The following TGFBRAP1 variants were observed in gnomAD, a reference collection of about 807,000 sequenced individuals.
TGFBRAP1 encodes the protein transforming growth factor beta receptor associated protein 1.
A neutral mutation model predicts 83.2 loss-of-function variants in TGFBRAP1; 20 were observed. The observed-to-expected ratio is 0.24, with a 90% CI of 0.17 to 0.35. TGFBRAP1 has a LOEUF of 0.35. TGFBRAP1 is among the 10% of genes least tolerant of loss of function. TGFBRAP1 has a pLI of 1.00. For synonymous variants in TGFBRAP1, 415 were observed against 459.8 expected (o/e 0.90, Z 1.25); for missense variants, 950 against 1,099.4 (o/e 0.86, Z 1.92).
At chr2:105,278,068 A>ATGTGTGTG (rs56983977) in intron 6 of TGFBRAP1, among the ~76,000 whole-genome samples, 121 of 145,528 alleles carry the variant, frequency 8.3e-4, no homozygotes, top group African/African-American at 2.0e-3. Flanking sequence ...CAAAAAATAT[A>ATGTGTGTG]TGTGTGTGTG....
At chr2:105,261,975 G>A (rs1462061259), downstream of TGFBRAP1, among the ~76,000 whole-genome samples, 2 of 152,156 alleles carry the variant, frequency 1.3e-5, no homozygotes, top group African/African-American at 2.4e-5. Context: ...TCTGTGGGAT[G>A]TGTGCATGAG....
chr2:105,298,298 C>G (rs1398064625), intron 3 of TGFBRAP1, among the ~76,000 whole-genome samples: 2 of 152,172 alleles, frequency 1.3e-5, no homozygotes, highest in Non-Finnish European at 2.9e-5. Context: ...GGGCCTTATT[C>G]CATCGTGATC....
chr2:105,260,266 C>T (rs1385366046), downstream of TGFBRAP1, among the ~76,000 whole-genome samples: 5 of 152,074 alleles, frequency 3.3e-5, no homozygotes, highest in African/African-American at 4.8e-5. Flanking sequence ...AAAAATTAGC[C>T]AGGCATGGTG....
chr2:105,271,694 C>A (rs931565008), intron 10 of TGFBRAP1, among the ~76,000 whole-genome samples: 1 of 152,160 alleles, frequency 6.6e-6, no homozygotes, highest in South Asian at 2.1e-4. Context: ...GCAGCCTCAG[C>A]GTTTCAACCT....
rs773741901 is a variant in TGFBRAP1, at chr2:105,298,574, A to T, written c.820T>A (p.Leu274Met). Residue 274 changes from leucine to methionine, a missense_variant, in exon 3 of 12, where the codon TTG (leucine) becomes ATG (methionine). Transcript: ENST00000393359. Reference sequence around the variant, plus strand: ...AGCGTCTGCTTCTGTTGCTGATCCAACATGCTGTGGACTGTGATGAATTCG... The same window carrying T: ...AGCGTCTGCTTCTGTTGCTGATCCATCATGCTGTGGACTGTGATGAATTCG... ...DDEFITVHSM[L>M]DQQQKQTLPF... The T allele has an allele frequency of 6.2e-7, 1 of 1,613,910 alleles. No homozygotes were observed. Among genetic ancestry groups the T allele is most frequent in the Non-Finnish European group, 8.5e-7 (1 of 1,179,870 alleles).
intron 4 of TGFBRAP1, among the ~76,000 whole-genome samples, chr2:105,293,857 G>C (rs1456170528): frequency 6.6e-6 from 1 of 152,190 alleles, no homozygotes; most frequent in Admixed American, 6.5e-5. Flanking sequence ...CCAGGACCTA[G>C]GGGAGGGAGA....
At chr2:105,262,172 T>C (rs1285244820), downstream of TGFBRAP1, among the ~76,000 whole-genome samples, 1 of 152,214 alleles carries the variant, frequency 6.6e-6, no homozygotes, top group Admixed American at 6.5e-5. Context: ...ATGCCACTGA[T>C]ATGGTTTGGA....
intron 7 of TGFBRAP1, among the ~76,000 whole-genome samples, chr2:105,277,083 C>A (rs374818556): frequency 2.0e-5 from 3 of 152,152 alleles, no homozygotes; most frequent in South Asian, 2.1e-4. Flanking sequence ...GCTAATAAAT[C>A]GATGCCATTT....
intron 4 of TGFBRAP1, among the ~76,000 whole-genome samples, chr2:105,285,639 T>C (rs1001350729): frequency 6.6e-6 from 1 of 152,134 alleles, no homozygotes; most frequent in South Asian, 2.1e-4. Context: ...TCTCTCAAAT[T>C]ACCTTTCAAA....
chr2:105,262,926 A>G (rs537329525), downstream of TGFBRAP1, among the ~76,000 whole-genome samples: 3 of 152,314 alleles, frequency 2.0e-5, no homozygotes, highest in East Asian at 5.8e-4. Context: ...TCTAGTCCAT[A>G]TGGTCTAGAT....
chr2:105,302,317 G>A (rs1340842156), intron 2 of TGFBRAP1, among the ~76,000 whole-genome samples: 1 of 152,074 alleles, frequency 6.6e-6, no homozygotes, highest in African/African-American at 2.4e-5. Context: ...CTTTGACTCT[G>A]CTATCTCATC....
chr2:105,268,531 C>G (rs1460311743), intron 11 of TGFBRAP1, among the ~76,000 whole-genome samples: 1 of 152,142 alleles, frequency 6.6e-6, no homozygotes, highest in Non-Finnish European at 1.5e-5. Flanking sequence ...TTTACAAAAG[C>G]AACAAAGTAT....
chr2:105,328,294 T>C (rs1414340695), intron 1 of TGFBRAP1, among the ~76,000 whole-genome samples: 1 of 152,158 alleles, frequency 6.6e-6, no homozygotes, highest in African/African-American at 2.4e-5. Flanking sequence ...GGCAGGCTAG[T>C]TATGGACAGG....
At chr2:105,259,217 A>T in the TGFBRAP1 span, among the ~76,000 whole-genome samples, 1 of 152,338 alleles carries the variant, frequency 6.6e-6, no homozygotes, top group East Asian at 1.9e-4. Context: ...ACACCACAGC[A>T]GTGGGAGAAG....
intron 4 of TGFBRAP1, 56 bp downstream of exon 4, chr2:105,296,300 A>G: frequency 6.2e-7 from 1 of 1,602,512 alleles, no homozygotes; most frequent in Non-Finnish European, 8.5e-7. Flanking sequence ...GTTAAATCTG[A>G]ATGTCCTCTA....
At chr2:105,276,989 A>T (rs546519666) in intron 7 of TGFBRAP1, among the ~76,000 whole-genome samples, 7 of 152,220 alleles carry the variant, frequency 4.6e-5, no homozygotes, top group African/African-American at 1.4e-4. Context: ...CTAATAACGA[A>T]GGGGAGAAAG....
chr2:105,282,209 G>C (rs1677562903), intron 5 of TGFBRAP1, among the ~76,000 whole-genome samples: 1 of 152,178 alleles, frequency 6.6e-6, no homozygotes, highest in South Asian at 2.1e-4. Context: ...CAGGCACTGG[G>C]TTACCCTTCC....
chr2:105,298,422 G>A lies in TGFBRAP1; in HGVS notation c.883+89C>T, dbSNP rs78729031. 1,734 of 1,397,330 alleles carry A rather than the reference G, an allele frequency of 1.2e-3. 24 individuals carry two copies. In the African/African-American group the frequency reaches 0.022, roughly 18 times the overall value. The allele number at this position is 1,397,330 out of a possible 1,614,324, so 86.6% of individuals were successfully genotyped here. On this transcript the variant is annotated intron_variant, in intron 3 of 11. Transcript: ENST00000393359. ...CATCTGTGTATCTTTTATGCTTAGC[G>A]CAAGGCCCAGTTCCTAAATGATATT...
chr2:105,291,041 G>A (rs1025353834), intron 4 of TGFBRAP1, among the ~76,000 whole-genome samples: 1 of 152,060 alleles, frequency 6.6e-6, no homozygotes, highest in Non-Finnish European at 1.5e-5. Flanking sequence ...CTAAAACCAA[G>A]GTATCTGGGA....
Sources: allele counts gnomAD v4.1 joint callset (sites outside exome capture counted in the v4.1 genomes callset), GRCh38; gene constraint gnomAD v4.1.1; transcripts MANE v1.5; gene names NCBI Gene and HGNC (gene_info 2026-07-23, HGNC 2026-07-21).